SNX29: variants seen among roughly 807,000 people sequenced by gnomAD.
SNX29 encodes the protein sorting nexin 29.
SNX29 carries 78 observed loss-of-function variants against 102.1 expected under a neutral mutation model. The ratio of observed to expected loss-of-function variants is 0.76; its 90% confidence interval spans 0.64 to 0.92. The LOEUF is 0.92. SNX29 is among the 40% of genes least tolerant of loss of function. The probability of loss-of-function intolerance (pLI) is 0.00; values close to 1 mark genes in which losing one functional copy is unlikely to be tolerated. For missense variants in SNX29, 1,280 were observed against 1,061.7 expected (o/e 1.21, Z -2.86); for synonymous variants, 580 against 414.5 (o/e 1.40, Z -4.85).
At chr16:12,483,106 G>C (rs917773177) in intron 19 of SNX29, among the ~76,000 whole-genome samples, 10 of 95,392 alleles carry the variant, frequency 1.0e-4, no homozygotes, top group Non-Finnish European at 2.1e-4. Flanking sequence ...ACATATTGAA[G>C]TTATTAAGTT....
intron 1 of SNX29, among the ~76,000 whole-genome samples, chr16:11,982,016 G>A (rs1042116785): frequency 1.4e-4 from 21 of 151,456 alleles, no homozygotes; most frequent in African/African-American, 4.9e-4. Context: ...ACCAGCCTGG[G>A]CAACATAACG....
intron 14 of SNX29, among the ~76,000 whole-genome samples, chr16:12,261,471 C>T (rs1567369804): frequency 1.4e-5 from 2 of 144,126 alleles, no homozygotes; most frequent in South Asian, 2.3e-4. Flanking sequence ...TGGCTGAGCT[C>T]GGGTCTGTGT....
intron 18 of SNX29, among the ~76,000 whole-genome samples, chr16:12,416,986 AC>A (rs1277005272): frequency 6.6e-6 from 1 of 152,164 alleles, no homozygotes; most frequent in African/African-American, 2.4e-5. Flanking sequence ...GTAAAACAAA[AC>A]TGAACATTTA....
chr16:11,978,058 T>C (rs1266279546), intron 1 of SNX29, among the ~76,000 whole-genome samples: 1 of 152,222 alleles, frequency 6.6e-6, no homozygotes, highest in Non-Finnish European at 1.5e-5. Context: ...AAGTTATCTC[T>C]GTGGACCTTT....
At chr16:12,549,411 C>G (rs561098830) in intron 20 of SNX29, among the ~76,000 whole-genome samples, 123 of 152,348 alleles carry the variant, frequency 8.1e-4, no homozygotes, top group African/African-American at 2.7e-3. Flanking sequence ...AGGAGAATCT[C>G]TTGAACCTGG....
chr16:12,350,613 G>A (rs539355451), intron 15 of SNX29, among the ~76,000 whole-genome samples: 1 of 152,262 alleles, frequency 6.6e-6, no homozygotes, highest in East Asian at 1.9e-4. Context: ...GTGGAGAGGT[G>A]ACAAGTGGAG....
intron 20 of SNX29, among the ~76,000 whole-genome samples, chr16:12,552,729 G>T (rs559354913): frequency 1.3e-5 from 2 of 152,318 alleles, no homozygotes; most frequent in African/African-American, 4.8e-5. Context: ...GAAGAGACAT[G>T]GTATCTCCAG....
intron 13 of SNX29, among the ~76,000 whole-genome samples, chr16:12,193,901 A>C (rs1412938841): frequency 6.6e-6 from 1 of 152,168 alleles, no homozygotes; most frequent in Non-Finnish European, 1.5e-5. Flanking sequence ...CTTTACAGGA[A>C]GTTCTAAAAT....
chr16:12,308,993 G>A (rs1427102905), intron 15 of SNX29, among the ~76,000 whole-genome samples: 1 of 152,214 alleles, frequency 6.6e-6, no homozygotes, highest in Non-Finnish European at 1.5e-5. Flanking sequence ...TTATGGCAGA[G>A]ACTGTTACAA....
At chr16:12,411,986 A>C (rs1202667921) in intron 18 of SNX29, among the ~76,000 whole-genome samples, 1 of 152,180 alleles carries the variant, frequency 6.6e-6, no homozygotes, top group African/African-American at 2.4e-5. Context: ...TGTATGGAGC[A>C]TCTCCTTCAC....
intron 19 of SNX29, among the ~76,000 whole-genome samples, chr16:12,486,777 C>T (rs895194527): frequency 2.0e-5 from 3 of 152,172 alleles, no homozygotes; most frequent in African/African-American, 4.8e-5. Flanking sequence ...CCTGTCTCTC[C>T]GCCCACACCC....
intron 16 of SNX29, among the ~76,000 whole-genome samples, chr16:12,368,020 C>A (rs977288505): frequency 6.6e-6 from 1 of 152,236 alleles, no homozygotes; most frequent in Admixed American, 6.5e-5. Flanking sequence ...CCAAATACCC[C>A]AAGTGATCAC....
intron 13 of SNX29, among the ~76,000 whole-genome samples, chr16:12,141,760 G>C (rs2054878095): frequency 6.6e-6 from 1 of 152,214 alleles, no homozygotes; most frequent in Admixed American, 6.5e-5. Context: ...AGGACGACCA[G>C]AGGTCACTTT....
At chr16:12,491,447 A>G (rs1168048662) in intron 19 of SNX29, among the ~76,000 whole-genome samples, 2 of 151,990 alleles carry the variant, frequency 1.3e-5, no homozygotes, top group Non-Finnish European at 2.9e-5. Flanking sequence ...TTCAACTTAA[A>G]TTTTATTTAT....
chr16:12,367,159 T>G (rs4781212), intron 16 of SNX29: 103,328 of 152,110 alleles, frequency 0.68, 36,897 homozygotes, highest in Middle Eastern at 0.81. Flanking sequence ...TTGTGCTGTG[T>G]TGTTTGCCAC....
intron 20 of SNX29, chr16:12,527,058 C>T (rs1288816594): frequency 2.4e-6 from 1 of 417,514 alleles, no homozygotes; most frequent in African/African-American, 2.0e-5. Context: ...ATTTTGACTA[C>T]ATGTTGGTCT....
intron 14 of SNX29, among the ~76,000 whole-genome samples, chr16:12,275,284 A>G (rs2079209597): frequency 6.6e-6 from 1 of 152,072 alleles, no homozygotes; most frequent in Admixed American, 6.6e-5. Context: ...TCTTCTGGGA[A>G]TGAGTGGGGC....
intron 18 of SNX29, among the ~76,000 whole-genome samples, chr16:12,420,787 G>A (rs1273362314): frequency 6.6e-6 from 1 of 152,202 alleles, no homozygotes; most frequent in Non-Finnish European, 1.5e-5. Context: ...GGACGCATGA[G>A]TCACCAAGCT....
intron 20 of SNX29, among the ~76,000 whole-genome samples, chr16:12,558,092 G>C (rs2078484201): frequency 6.6e-6 from 1 of 152,096 alleles, no homozygotes; most frequent in African/African-American, 2.4e-5. Context: ...ATGCAAAGTG[G>C]GGACGGGGCA....
Sources: gnomAD v4.1 joint callset for allele counts (sites outside exome capture counted in the v4.1 genomes callset) on GRCh38, gnomAD v4.1.1 for gene constraint, MANE v1.5 for transcripts, NCBI Gene and HGNC (gene_info 2026-07-23, HGNC 2026-07-21) for gene names.